The following TLK1 variants were observed in gnomAD, a reference collection of about 807,000 sequenced individuals.
TLK1 encodes serine/threonine-protein kinase tousled-like 1.
Under a neutral mutation model 105.3 loss-of-function variants are expected in TLK1, and 24 were observed. That is an observed-to-expected ratio of 0.23 (90% CI 0.17 to 0.32). The LOEUF is 0.32. Among genes scored for constraint, TLK1 ranks in the 10% least tolerant of loss-of-function variants. TLK1 has a pLI of 1.00. For missense variants in TLK1, 558 were observed against 910.5 expected (o/e 0.61, Z 4.98); for synonymous variants, 321 against 310.4 (o/e 1.03, Z -0.36).
At chr2:171,207,297 G>A (rs1440878928) in intron 1 of TLK1, among the ~76,000 whole-genome samples, 4 of 152,172 alleles carry the variant, frequency 2.6e-5, no homozygotes, top group African/African-American at 7.2e-5. Context: ...AAATTGAAAA[G>A]GCTACACACT....
At chr2:171,148,471 A>G (rs1691883244) in intron 1 of TLK1, among the ~76,000 whole-genome samples, 1 of 151,950 alleles carries the variant, frequency 6.6e-6, no homozygotes, top group Non-Finnish European at 1.5e-5. Context: ...CTTTTGAGAG[A>G]AAGGCGAGAC....
At chr2:171,055,203 C>CAAAA (rs71399594) in intron 6 of TLK1, 31 bp from the exon 7 acceptor site, 127 of 518,140 alleles carry the variant, frequency 2.5e-4, no homozygotes, top group Middle Eastern at 5.4e-4. Flanking sequence ...TTTATATTAG[C>CAAAA]AAAAAAAAAA....
chr2:171,196,837 A>T (rs1407848060), intron 1 of TLK1, among the ~76,000 whole-genome samples: 1 of 152,264 alleles, frequency 6.6e-6, no homozygotes, highest in Non-Finnish European at 1.5e-5. Context: ...AAACTTAAGC[A>T]TTAGTTACAA....
intron 1 of TLK1, among the ~76,000 whole-genome samples, chr2:171,205,456 G>T (rs985702904): frequency 1.3e-5 from 2 of 151,996 alleles, no homozygotes; most frequent in South Asian, 4.2e-4. Flanking sequence ...CTGAATAGCT[G>T]GGACTACAGG....
At chr2:171,181,756 A>C (rs1290827186) in intron 1 of TLK1, among the ~76,000 whole-genome samples, 1 of 152,188 alleles carries the variant, frequency 6.6e-6, no homozygotes, top group African/African-American at 2.4e-5. Flanking sequence ...ATCCACTCTC[A>C]TGACCCAAAC....
intron 1 of TLK1, among the ~76,000 whole-genome samples, chr2:171,204,522 G>C: frequency 6.6e-6 from 1 of 150,994 alleles, no homozygotes. Flanking sequence ...GGCAGGCCTG[G>C]TCAACTTGTG....
chr2:171,015,348 T>C (rs986995569), intron 12 of TLK1, among the ~76,000 whole-genome samples: 7 of 151,422 alleles, frequency 4.6e-5, no homozygotes, highest in African/African-American at 7.3e-5. Context: ...TATTTTATAA[T>C]AGTTAAAAGA....
chr2:171,206,029 G>GC (rs1693500265), intron 1 of TLK1, among the ~76,000 whole-genome samples: 1 of 152,122 alleles, frequency 6.6e-6, no homozygotes, highest in Non-Finnish European at 1.5e-5. Context: ...TGCAGTAAAT[G>GC]AAACTATGTT....
At chr2:171,033,197 C>A (rs1052907736) in intron 11 of TLK1, among the ~76,000 whole-genome samples, 3 of 151,464 alleles carry the variant, frequency 2.0e-5, no homozygotes, top group Non-Finnish European at 4.4e-5. Context: ...CAGAGCAAGA[C>A]CCTGTCTCAA....
At chr2:171,065,871 C>T (rs570489511) in intron 3 of TLK1, among the ~76,000 whole-genome samples, 24 of 152,268 alleles carry the variant, frequency 1.6e-4, no homozygotes, top group African/African-American at 5.5e-4. Context: ...TACTTGGGTA[C>T]CAAATTCAAG....
chr2:171,104,813 G>A (rs138449936), intron 2 of TLK1, among the ~76,000 whole-genome samples: 134 of 152,270 alleles, frequency 8.8e-4, no homozygotes, highest in African/African-American at 3.1e-3. Context: ...GTATAGAAAT[G>A]CTACTACTTT....
chr2:171,181,821 C>G (rs992171065), intron 1 of TLK1, among the ~76,000 whole-genome samples: 25 of 152,190 alleles, frequency 1.6e-4, no homozygotes, highest in African/African-American at 6.0e-4. Context: ...ATGTGAGATT[C>G]GAAGGGGTAG....
intron 3 of TLK1, among the ~76,000 whole-genome samples, chr2:171,064,018 G>A (rs1165402052): frequency 1.3e-5 from 2 of 152,106 alleles, no homozygotes; most frequent in African/African-American, 2.4e-5. Flanking sequence ...TTCCTCTGAG[G>A]CAGAATTTCC....
At chr2:171,099,400 G>A (rs1352591483) in intron 2 of TLK1, among the ~76,000 whole-genome samples, 3 of 152,150 alleles carry the variant, frequency 2.0e-5, no homozygotes, top group African/African-American at 7.2e-5. Context: ...TCATGTGCTA[G>A]AAGACTTAAT....
At chr2:171,172,894 T>C (rs1321939106) in intron 1 of TLK1, among the ~76,000 whole-genome samples, 1 of 152,228 alleles carries the variant, frequency 6.6e-6, no homozygotes, top group Non-Finnish European at 1.5e-5. Flanking sequence ...ACTAATACTC[T>C]AGTATTCTCA....
intron 1 of TLK1, among the ~76,000 whole-genome samples, chr2:171,205,798 TA>T (rs951875208): frequency 6.6e-6 from 1 of 152,240 alleles, no homozygotes; most frequent in Non-Finnish European, 1.5e-5. Flanking sequence ...CAGACTGAGT[TA>T]AACCACTATT....
chr2:171,178,631 T>C (rs898184584), intron 1 of TLK1, among the ~76,000 whole-genome samples: 4 of 152,194 alleles, frequency 2.6e-5, no homozygotes, highest in Non-Finnish European at 4.4e-5. Flanking sequence ...AGCAAAACAT[T>C]AGCTGAAATG....
intron 1 of TLK1, among the ~76,000 whole-genome samples, chr2:171,214,277 A>G (rs532388177): frequency 6.6e-6 from 1 of 152,264 alleles, no homozygotes; most frequent in Admixed American, 6.5e-5. Context: ...CTTAGTATCC[A>G]TACGGCTTGG....
chr2:171,101,747 T>C (rs1318596962), intron 2 of TLK1, among the ~76,000 whole-genome samples: 2 of 152,194 alleles, frequency 1.3e-5, no homozygotes, highest in Non-Finnish European at 2.9e-5. Context: ...TCATATAGTA[T>C]GTTCCACTGC....
Sources: allele counts gnomAD v4.1 joint callset (sites outside exome capture counted in the v4.1 genomes callset), GRCh38; gene constraint gnomAD v4.1.1; transcripts MANE v1.5; gene names NCBI Gene and HGNC (gene_info 2026-07-23, HGNC 2026-07-21).